CNMD: variants seen among roughly 807,000 people sequenced by gnomAD.
CNMD encodes the protein chondromodulin.
A neutral mutation model predicts 37.5 loss-of-function variants in CNMD; 30 were observed. The observed-to-expected ratio is 0.80, with a 90% CI of 0.60 to 1.09. The LOEUF is 1.09. Among genes scored for constraint, CNMD ranks in the 50% least tolerant of loss-of-function variants. CNMD has a pLI of 0.00. For missense variants in CNMD, 398 were observed against 423.9 expected, an observed-to-expected ratio of 0.94 and a Z score of 0.54; for synonymous variants, 167 against 148.2, an observed-to-expected ratio of 1.13 and a Z score of -0.92.
chr13:52,711,449 C>G (rs956244820), intron 5 of CNMD, among the ~76,000 whole-genome samples: 10 of 152,326 alleles, frequency 6.6e-5, no homozygotes, highest in African/African-American at 2.4e-4. Flanking sequence ...TCTCCTGCCC[C>G]CTTCAGCCAG....
At position 52,703,281 on chromosome 13, in the gene CNMD, A is replaced by G. The variant is rs983943402; in HGVS notation, c.*314T>C. On this transcript the variant is annotated 3_prime_UTR_variant, in exon 7 of 7. Transcript: ENST00000377962. ...AATTGAGATTTTTGGCAAACTGTAA[A>G]TTTTCATGTTTATTTCAAAATAGCT... is the stretch of plus-strand genomic sequence containing the variant. 4.5e-6 allele frequency: 1 copy of G among 221,614 alleles called. No homozygotes were observed. The allele number at this position is 221,614 out of a possible 1,614,324, so 13.7% of individuals were successfully genotyped here. A position where few individuals can be genotyped will look rare whatever the true frequency, so the allele number is the denominator to read the frequency against.
chr13:52,727,506 T>A lies in CNMD; in HGVS notation c.355-3396A>T, dbSNP rs183050593. Among the ~76,000 whole-genome samples, 71 of 152,046 alleles carry A rather than the reference T, an allele frequency of 4.7e-4. No individual in the cohort carries two copies. The East Asian group carries it at 7.2e-3, about 15-fold the overall frequency. On this transcript the variant is annotated intron_variant, in intron 3 of 6. Transcript: ENST00000377962. ...GTGAGACCCCATTTCTACAAAAAAA[T>A]TTTAAAAATTAGCTAGGTGTGGTGG...
chr13:52,729,197 C>T (rs1964623415), intron 3 of CNMD, among the ~76,000 whole-genome samples: 1 of 152,110 alleles, frequency 6.6e-6, no homozygotes, highest in Non-Finnish European at 1.5e-5. Flanking sequence ...CCCAAGAGGG[C>T]ACTTTAGAAA....
At chr13:52,710,951 C>T (rs1380563726) in intron 5 of CNMD, among the ~76,000 whole-genome samples, 5 of 152,132 alleles carry the variant, frequency 3.3e-5, no homozygotes, top group African/African-American at 4.8e-5. Flanking sequence ...TGCTGTGTTC[C>T]GATCTCTAGT....
chr13:52,708,384 T>C, intron 6 of CNMD, 152 bp downstream of exon 6: 1 of 538,886 alleles, frequency 1.9e-6, no homozygotes, highest in Middle Eastern at 3.3e-4. Context: ...GGTTTCACCA[T>C]GTTGGCCAGG....
At chr13:52,707,490 C>CT (rs1267945460) in intron 6 of CNMD, among the ~76,000 whole-genome samples, 1 of 152,060 alleles carries the variant, frequency 6.6e-6, no homozygotes, top group Non-Finnish European at 1.5e-5. Context: ...GCTCTATCCT[C>CT]TAACTGGACT....
intron 3 of CNMD, among the ~76,000 whole-genome samples, chr13:52,727,184 G>A (rs562637764): frequency 3.9e-5 from 6 of 152,172 alleles, no homozygotes; most frequent in South Asian, 2.1e-4. Flanking sequence ...CAGGAGAATC[G>A]CTTGAACTCA....
chr13:52,731,550 C>A (rs941257584), intron 3 of CNMD, among the ~76,000 whole-genome samples: 3 of 152,144 alleles, frequency 2.0e-5, no homozygotes, highest in African/African-American at 7.2e-5. Flanking sequence ...GAGAATTGAT[C>A]AGTTTATAAA....
At chr13:52,722,674 C>T (rs1964503524) in intron 4 of CNMD, among the ~76,000 whole-genome samples, 1 of 152,132 alleles carries the variant, frequency 6.6e-6, no homozygotes, top group African/African-American at 2.4e-5. Flanking sequence ...ATTTTGTAAG[C>T]CCTAAACTAC....
chr13:52,737,484 A>G (rs1223354753), intron 2 of CNMD, among the ~76,000 whole-genome samples: 1 of 152,218 alleles, frequency 6.6e-6, no homozygotes, highest in African/African-American at 2.4e-5. Flanking sequence ...AAATATATGA[A>G]AAAAGGGAGC....
chr13:52,737,158 C>A (rs1377938996), intron 2 of CNMD, among the ~76,000 whole-genome samples: 1 of 152,190 alleles, frequency 6.6e-6, no homozygotes, highest in African/African-American at 2.4e-5. Context: ...TTCTGTTTGA[C>A]AAAGACTTAC....
intron 2 of CNMD, among the ~76,000 whole-genome samples, chr13:52,738,661 C>T (rs148718286): frequency 1.1e-3 from 160 of 152,262 alleles, no homozygotes; most frequent in Middle Eastern, 0.01. Flanking sequence ...CAGGGACAGG[C>T]CTTAGAGATC....
At chr13:52,725,839 A>G (rs1964562347) in intron 3 of CNMD, among the ~76,000 whole-genome samples, 1 of 152,222 alleles carries the variant, frequency 6.6e-6, no homozygotes, top group African/African-American at 2.4e-5. Context: ...ACAATGAAGA[A>G]GAAAATTAAA....
At chr13:52,715,789 G>C (rs1436848098) in intron 4 of CNMD, among the ~76,000 whole-genome samples, 5 of 152,132 alleles carry the variant, frequency 3.3e-5, no homozygotes, top group Non-Finnish European at 7.4e-5. Flanking sequence ...CTTTGCTATT[G>C]TGAATAGTGC....
rs1964833407 is a variant in CNMD, at chr13:52,739,111, C to T, written c.133G>A (p.Val45Met). Residue 45 changes from valine to methionine, a missense_variant, in exon 2 of 7, where the codon GTG (valine) becomes ATG (methionine). Transcript: ENST00000377962. The surrounding 1 kb of genome is among the most constrained non-coding windows in gnomAD (Gnocchi z 5.4). ...AGCACAGCTCCCGAAATGAGGACCA[C>T]GGCTCCCACCTTGAGCAGCCGCGCG... ...SPARLLKVGA[V>M]VLISGAVLLL... 1.3e-6 allele frequency: 2 copies of T among 1,570,182 alleles called. No homozygotes were observed. The highest frequency in any genetic ancestry group is 1.4e-5 in the African/African-American group (1 of 70,174).
Position 52,739,336 on chromosome 13 carries a change from G to A in CNMD, c.73-165C>T. On this transcript the variant is annotated intron_variant, in intron 1 of 6. Transcript: ENST00000377962. This position sits in a 1 kb window ranked among gnomAD's most constrained non-coding sequence, Gnocchi z 5.4. ...CCCCTTTCGCCGCGCTCCCTCCCGAGGGTCCTTTGCAGTCGGGCGTGGAAG... is the reference window on the plus strand; with the variant it reads ...CCCCTTTCGCCGCGCTCCCTCCCGAAGGTCCTTTGCAGTCGGGCGTGGAAG... 2.3e-6 allele frequency: 2 copies of A among 852,448 alleles called. No homozygotes were observed. The highest frequency in any genetic ancestry group is 3.4e-6 in the Non-Finnish European group (2 of 580,450). The allele number at this position is 852,448 out of a possible 1,614,324, so 52.8% of individuals were successfully genotyped here.
chr13:52,712,822 C>G lies in CNMD; in HGVS notation c.516G>C (p.Trp172Cys). The change falls in exon 5 of 7, where the codon TGG (tryptophan) becomes TGC (cysteine). Residue 172 changes from tryptophan to cysteine, a missense_variant. Physicochemically the swap from Trp to Cys is radical, Grantham distance 215. Coordinates refer to ENST00000377962, the MANE Select transcript of CNMD (RefSeq NM_007015.3). ...CCTTCACAGGCTGATCTACAGCCAC[C>G]CAGATAAGAGAATTTTCTTCATATT... ...PVKYEENSLIWVAVDQPVKDN... is the reference protein window; with the variant it reads ...PVKYEENSLICVAVDQPVKDN... 1 of 1,588,852 alleles carries G rather than the reference C, an allele frequency of 6.3e-7. No individual in the cohort carries two copies. Among genetic ancestry groups the G allele is most frequent in the Non-Finnish European group, 8.6e-7 (1 of 1,167,904 alleles).
intron 4 of CNMD, among the ~76,000 whole-genome samples, chr13:52,718,598 T>C (rs1276333051): frequency 6.6e-6 from 1 of 152,210 alleles, no homozygotes; most frequent in African/African-American, 2.4e-5. Flanking sequence ...TTTTGTTATT[T>C]ACCCAGTAGT....
At chr13:52,716,328 G>T (rs1400220180) in intron 4 of CNMD, among the ~76,000 whole-genome samples, 2 of 152,110 alleles carry the variant, frequency 1.3e-5, no homozygotes, top group Non-Finnish European at 2.9e-5. Flanking sequence ...AGTTTCTTTT[G>T]CTGTGCAGAA....
Sources: gnomAD v4.1 joint callset for allele counts (sites outside exome capture counted in the v4.1 genomes callset) on GRCh38, gnomAD v4.1.1 for gene constraint, Gnocchi (gnomAD v3.1) non-coding constraint, MANE v1.5 for transcripts, NCBI Gene and HGNC (gene_info 2026-07-23, HGNC 2026-07-21) for gene names.